The following NELL1 variants were observed in gnomAD, a reference collection of about 807,000 sequenced individuals.
NELL1 encodes protein kinase C-binding protein NELL1.
In NELL1, 76 loss-of-function variants were observed where a neutral mutation model predicts 107.4. That is an observed-to-expected ratio of 0.71 (90% CI 0.59 to 0.86). The LOEUF is 0.86. Ranked by LOEUF, NELL1 falls within the 40% of genes least tolerant of loss-of-function variation. The pLI is 0.00. For missense variants in NELL1, 1,024 were observed against 1,005.5 expected (o/e 1.02, Z -0.25); for synonymous variants, 353 against 341.2 (o/e 1.03, Z -0.38).
intron 13 of NELL1, among the ~76,000 whole-genome samples, chr11:21,161,000 TACACACACACACACACACACACAC>T (rs72029062): frequency 7.0e-6 from 1 of 143,136 alleles, no homozygotes; most frequent in Non-Finnish European, 1.5e-5. Flanking sequence ...CTAGCCTTTA[TACACACACACACACACACACACAC>T]ACACACACAC....
intron 3 of NELL1, among the ~76,000 whole-genome samples, chr11:20,843,539 A>ATAT (rs1848653406): frequency 6.8e-6 from 1 of 147,630 alleles, no homozygotes; most frequent in South Asian, 2.1e-4. Flanking sequence ...TAACATTTTG[A>ATAT]ATATATCTAG....
chr11:21,270,398 A>G (rs1000052865), intron 14 of NELL1, among the ~76,000 whole-genome samples: 2 of 152,166 alleles, frequency 1.3e-5, no homozygotes, highest in South Asian at 4.1e-4. Context: ...AATTTCTGAC[A>G]CAACAGACTT....
chr11:20,955,244 G>C (rs988068345), intron 11 of NELL1, among the ~76,000 whole-genome samples: 1 of 152,204 alleles, frequency 6.6e-6, no homozygotes, highest in Admixed American at 6.5e-5. Flanking sequence ...TTTCCAGCCA[G>C]TTAGACTCTT....
intron 3 of NELL1, among the ~76,000 whole-genome samples, chr11:20,794,313 A>C (rs774826183): frequency 6.6e-6 from 1 of 152,236 alleles, no homozygotes; most frequent in Non-Finnish European, 1.5e-5. Flanking sequence ...TGGAAATAGC[A>C]TAGGTAACAG....
intron 2 of NELL1, among the ~76,000 whole-genome samples, chr11:20,692,299 G>C (rs897375575): frequency 2.6e-5 from 4 of 151,336 alleles, no homozygotes; most frequent in Middle Eastern, 3.4e-3. Flanking sequence ...GTTCTGCTCT[G>C]ATTTTATTTA....
intron 3 of NELL1, among the ~76,000 whole-genome samples, chr11:20,795,946 C>T (rs76232748): frequency 0.02 from 2,994 of 152,148 alleles, 102 homozygotes; most frequent in African/African-American, 0.068. Context: ...TTTAATTTAC[C>T]TCAGACTCAG....
intron 13 of NELL1, among the ~76,000 whole-genome samples, chr11:21,135,068 C>T (rs1855714226): frequency 6.6e-6 from 1 of 152,088 alleles, no homozygotes; most frequent in African/African-American, 2.4e-5. Flanking sequence ...TTGTTTTTCA[C>T]TTAATGTTGA....
At chr11:21,077,805 C>T (rs1183590767) in intron 12 of NELL1, among the ~76,000 whole-genome samples, 2 of 149,176 alleles carry the variant, frequency 1.3e-5, no homozygotes, top group African/African-American at 2.5e-5. Context: ...TAACATATTA[C>T]AAAATAGAAC....
chr11:21,352,476 T>C (rs1296548500), intron 14 of NELL1, among the ~76,000 whole-genome samples: 1 of 152,146 alleles, frequency 6.6e-6, no homozygotes, highest in Non-Finnish European at 1.5e-5. Context: ...GCATTCAAAA[T>C]GTTTGATGAG....
At chr11:21,069,342 G>A (rs779298122) in intron 12 of NELL1, among the ~76,000 whole-genome samples, 1 of 152,182 alleles carries the variant, frequency 6.6e-6, no homozygotes, top group Non-Finnish European at 1.5e-5. Context: ...CAACTCTTTT[G>A]AATGGTTTAT....
At chr11:20,956,603 G>A (rs183323249) in intron 11 of NELL1, among the ~76,000 whole-genome samples, 1,583 of 148,038 alleles carry the variant, frequency 0.011, 15 homozygotes, top group Middle Eastern at 0.022. Flanking sequence ...CTGAGATCAC[G>A]CCACTGCACT....
chr11:21,258,411 T>C (rs1407417461), intron 14 of NELL1, among the ~76,000 whole-genome samples: 1 of 151,996 alleles, frequency 6.6e-6, no homozygotes, highest in Non-Finnish European at 1.5e-5. Context: ...AGAATGTATA[T>C]AAAATCAACA....
chr11:21,469,985 T>C (rs943077987), intron 15 of NELL1, among the ~76,000 whole-genome samples: 2 of 152,106 alleles, frequency 1.3e-5, no homozygotes, highest in Non-Finnish European at 2.9e-5. Flanking sequence ...CTTTGGATTC[T>C]TTCTCTGAAA....
At chr11:20,917,865 A>AT (rs1712121392) in intron 5 of NELL1, among the ~76,000 whole-genome samples, 1 of 152,030 alleles carries the variant, frequency 6.6e-6, no homozygotes, top group African/African-American at 2.4e-5. Flanking sequence ...AATATTTAAT[A>AT]TTCCAGGATG....
rs537963938 is a variant in NELL1 at position 21,099,104 on chromosome 11, G to T, written c.1301-14485G>T. On this transcript the variant is annotated intron_variant, in intron 12 of 19. Coordinates refer to ENST00000357134, the MANE Select transcript of NELL1 (RefSeq NM_006157.5). Reference sequence around the variant, plus strand: ...TTTTATTTTGCTACTCCTAAAGAAGGTTTCCACTCAAAAGGCATAAATTCT... The same window carrying T: ...TTTTATTTTGCTACTCCTAAAGAAGTTTTCCACTCAAAAGGCATAAATTCT... Among the ~76,000 whole-genome samples the T allele has an allele frequency of 4.0e-5, 6 of 151,656 alleles. No homozygotes were observed. The South Asian group carries it at 8.3e-4, about 21-fold the overall frequency.
At chr11:20,867,389 A>AATT (rs1210565408) in intron 4 of NELL1, among the ~76,000 whole-genome samples, 1 of 152,134 alleles carries the variant, frequency 6.6e-6, no homozygotes, top group African/African-American at 2.4e-5. Flanking sequence ...AGCAAATGTT[A>AATT]ATTATTATTA....
At chr11:20,761,606 T>A (rs1217418443) in intron 2 of NELL1, among the ~76,000 whole-genome samples, 2 of 152,328 alleles carry the variant, frequency 1.3e-5, no homozygotes, top group East Asian at 3.9e-4. Context: ...GTTTGGCAAA[T>A]GCTCAGTCCA....
At chr11:21,387,299 C>A (rs1186637418) in intron 15 of NELL1, among the ~76,000 whole-genome samples, 1 of 151,768 alleles carries the variant, frequency 6.6e-6, no homozygotes, top group Non-Finnish European at 1.5e-5. Flanking sequence ...TTCTATTGCA[C>A]TTTTCACCAT....
At chr11:20,754,066 C>T (rs1467547871) in intron 2 of NELL1, among the ~76,000 whole-genome samples, 1 of 152,084 alleles carries the variant, frequency 6.6e-6, no homozygotes, top group Non-Finnish European at 1.5e-5. Flanking sequence ...CATAGAGTTG[C>T]AGGGTGGAGT....
Sources: allele counts gnomAD v4.1 joint callset (sites outside exome capture counted in the v4.1 genomes callset), GRCh38; gene constraint gnomAD v4.1.1; transcripts MANE v1.5; gene names NCBI Gene and HGNC (gene_info 2026-07-23, HGNC 2026-07-21).